OCA2: variants seen among roughly 807,000 people sequenced by gnomAD.
The protein encoded by OCA2 is OCA2 melanosomal transmembrane protein.
In OCA2, 77 loss-of-function variants were observed where a neutral mutation model predicts 100.2. The ratio of observed to expected loss-of-function variants is 0.77; its 90% CI spans 0.64 to 0.93. The LOEUF is 0.93. Ranked by LOEUF, OCA2 falls within the 40% of genes least tolerant of loss-of-function variation. The probability of loss-of-function intolerance (pLI) is 0.00; values close to 1 mark genes in which losing one functional copy is unlikely to be tolerated. For synonymous variants in OCA2, 432 were observed against 439.2 expected (o/e 0.98, Z 0.21); for missense variants, 1,062 against 1,089.1 (o/e 0.98, Z 0.35).
intron 19 of OCA2, among the ~76,000 whole-genome samples, chr15:27,881,188 C>T (rs1400441074): frequency 1.3e-5 from 2 of 152,246 alleles, no homozygotes; most frequent in South Asian, 2.1e-4. Context: ...GTTGAACCAG[C>T]CTTTCACCTG....
chr15:27,949,231 A>T (rs1050916473), intron 18 of OCA2, among the ~76,000 whole-genome samples: 1 of 152,362 alleles, frequency 6.6e-6, no homozygotes, highest in Admixed American at 6.5e-5. Flanking sequence ...CATTGTTATA[A>T]TGTCACGTAG....
At chr15:27,765,995 C>T (rs920141484) in intron 23 of OCA2, among the ~76,000 whole-genome samples, 4 of 152,158 alleles carry the variant, frequency 2.6e-5, no homozygotes, top group Non-Finnish European at 5.9e-5. Context: ...CAGCGGGCCT[C>T]AGCCTCATTT....
intron 18 of OCA2, among the ~76,000 whole-genome samples, chr15:27,938,693 G>A (rs1188487393): frequency 6.6e-6 from 1 of 152,096 alleles, no homozygotes; most frequent in Non-Finnish European, 1.5e-5. Context: ...ATAAACACAA[G>A]TACCAGTTAC....
At chr15:27,933,874 G>C (rs1364307495) in intron 18 of OCA2, among the ~76,000 whole-genome samples, 14 of 152,182 alleles carry the variant, frequency 9.2e-5, no homozygotes, top group Non-Finnish European at 1.5e-5. Context: ...CTTGTGCTCA[G>C]AGGCCTGACA....
In OCA2 at chr15:27,927,784, C is replaced by CTTT. The variant is rs34037519; in HGVS notation, c.1952-1533_1952-1531dup. On this transcript the variant is annotated intron_variant, in intron 18 of 23. Transcript: ENST00000354638. ...TCTCATGACTAATGACTTTGAGCAT[C>CTTT]TTTTTTTTTTTTTTTTTTTTTTTTT... Among the ~76,000 whole-genome samples, 472 of 69,352 alleles carry CTTT rather than the reference C, an allele frequency of 6.8e-3. 1 individual carries two copies. The highest frequency in any genetic ancestry group is 9.7e-3 in the African/African-American group (162 of 16,706). The allele number at this position is 69,352 out of a possible 152,430, so 45.5% of individuals were successfully genotyped here. A position where few individuals can be genotyped will look rare whatever the true frequency, so the allele number is the denominator to read the frequency against.
intron 23 of OCA2, among the ~76,000 whole-genome samples, chr15:27,844,044 G>A (rs1191074388): frequency 6.6e-6 from 1 of 152,218 alleles, no homozygotes; most frequent in African/African-American, 2.4e-5. Flanking sequence ...CATTTTAACA[G>A]CACCATTTGA....
rs2038908219 is a variant in OCA2 at position 27,922,721 on chromosome 15, G to GTGTC, written c.2079+3405_2079+3406insGACA. 3.6e-5 allele frequency among the ~76,000 whole-genome samples: 5 copies of GTGTC among 140,054 alleles called. No homozygotes were observed. The Admixed American group carries it at 3.6e-4, about 10-fold the overall frequency. The allele number at this position is 140,054 out of a possible 152,430, so 91.9% of individuals were successfully genotyped here. On this transcript the variant is annotated intron_variant, in intron 19 of 23. Coordinates refer to ENST00000354638, the MANE Select transcript of OCA2 (RefSeq NM_000275.3). ...TGTGTGTGTGTGTGTGTGTGTGTGTGTTTCTGTGTTTGTTTCTCCCATGTG... is the reference window on the plus strand; with the variant it reads ...TGTGTGTGTGTGTGTGTGTGTGTGTGTGTCTTTCTGTGTTTGTTTCTCCCATGTG...
chr15:27,922,371 CAT>C (rs2038888481), intron 19 of OCA2, among the ~76,000 whole-genome samples: 2 of 152,296 alleles, frequency 1.3e-5, no homozygotes, highest in South Asian at 4.1e-4. Flanking sequence ...TGATCAGCAC[CAT>C]ATAGCATCTT....
intron 23 of OCA2, among the ~76,000 whole-genome samples, chr15:27,795,141 T>A (rs2033272977): frequency 6.6e-6 from 1 of 152,308 alleles, no homozygotes; most frequent in East Asian, 1.9e-4. Flanking sequence ...CTTGGAATAC[T>A]GGTGCCCAGG....
At chr15:27,801,048 G>C (rs926897759) in intron 23 of OCA2, among the ~76,000 whole-genome samples, 2 of 152,084 alleles carry the variant, frequency 1.3e-5, no homozygotes, top group Non-Finnish European at 2.9e-5. Context: ...CTGGTGAATT[G>C]TACCAAACAT....
Position 27,841,995 on chromosome 15 carries a change from C to A in OCA2, c.2432+2964G>T, listed in dbSNP as rs1016045194. ...CTTAAAACATCACTCATTTAACCAG[C>A]GGTTCTATGTCAGAAAATTTATCTT... On this transcript the variant is annotated intron_variant, in intron 23 of 23. Coordinates refer to ENST00000354638, the MANE Select transcript of OCA2 (RefSeq NM_000275.3). 4.6e-5 allele frequency among the ~76,000 whole-genome samples: 7 copies of A among 152,150 alleles called. No homozygotes were observed. The South Asian group carries it at 6.2e-4, about 14-fold the overall frequency.
intron 18 of OCA2, among the ~76,000 whole-genome samples, chr15:27,928,803 CT>C (rs1248223415): frequency 1.3e-5 from 2 of 152,142 alleles, no homozygotes; most frequent in Non-Finnish European, 2.9e-5. Flanking sequence ...GCTCTTCTAT[CT>C]TTCACTTTAT....
chr15:28,056,191 T>C (rs1444687000), intron 2 of OCA2, among the ~76,000 whole-genome samples: 2 of 152,154 alleles, frequency 1.3e-5, no homozygotes, highest in Non-Finnish European at 2.9e-5. Flanking sequence ...CAGCCCACCA[T>C]GGGACCTGCC....
chr15:27,937,905 CTAA>C (rs1407709811), intron 18 of OCA2, among the ~76,000 whole-genome samples: 1 of 152,134 alleles, frequency 6.6e-6, no homozygotes, highest in Non-Finnish European at 1.5e-5. Flanking sequence ...ACATAAGTTC[CTAA>C]TTTTAAGATA....
At chr15:28,009,496 TGGCCAACATGGCAAAA>T (rs1249456869) in intron 9 of OCA2, among the ~76,000 whole-genome samples, 1 of 152,130 alleles carries the variant, frequency 6.6e-6, no homozygotes, top group African/African-American at 2.4e-5. Context: ...ATGACCAGCC[TGGCCAACATGGCAAAA>T]GCCCGTCTCT....
chr15:27,797,713 C>T (rs1306610371), intron 23 of OCA2, among the ~76,000 whole-genome samples: 6 of 152,188 alleles, frequency 3.9e-5, no homozygotes, highest in Admixed American at 6.5e-5. Flanking sequence ...TGGATGAAAA[C>T]GTCTATCAGC....
Position 27,859,312 on chromosome 15 carries a change from G to A in OCA2, c.2245-7837C>T, listed in dbSNP as rs143477152. 3.3e-5 allele frequency among the ~76,000 whole-genome samples: 5 copies of A among 151,880 alleles called. No individual in the cohort carries two copies. The East Asian group carries it at 7.7e-4, about 23-fold the overall frequency. ...TAAGAAAAAGAGATAAAATACAAAC[G>A]ACTAAAATCAAAAACTAAAGTGGAA... On this transcript the variant is annotated intron_variant, in intron 21 of 23. Coordinates refer to ENST00000354638, the MANE Select transcript of OCA2 (RefSeq NM_000275.3).
In OCA2 at chr15:27,947,271, C is replaced by A. The variant is rs144022322; in HGVS notation, c.1951+4513G>T. Among the ~76,000 whole-genome samples the A allele has an allele frequency of 1.5e-3, 229 of 152,350 alleles. 1 individual carries two copies. Among genetic ancestry groups the A allele is most frequent in the African/African-American group, 5.1e-3 (210 of 41,584 alleles). ...AAGCTCTCCCTTGGCCCCTGTGAAA[C>A]CCATCTGGCACTAAGGGTCTCATGC... On this transcript the variant is annotated intron_variant, in intron 18 of 23. Transcript: ENST00000354638.
chr15:28,032,528 G>A (rs1454598282), intron 2 of OCA2, among the ~76,000 whole-genome samples: 2 of 152,062 alleles, frequency 1.3e-5, no homozygotes, highest in Non-Finnish European at 2.9e-5. Context: ...GCTCACGCCT[G>A]TAATCCCACC....
Sources: allele counts gnomAD v4.1 joint callset (sites outside exome capture counted in the v4.1 genomes callset), GRCh38; gene constraint gnomAD v4.1.1; transcripts MANE v1.5; gene names NCBI Gene and HGNC (gene_info 2026-07-23, HGNC 2026-07-21).